The following AMMECR1 variants were observed in gnomAD, a reference collection of about 807,000 sequenced individuals.
AMMECR1 encodes the protein nuclear protein AMMECR1.
A neutral mutation model predicts 22.5 loss-of-function variants in AMMECR1; 3 were observed. That is an observed-to-expected ratio of 0.13 (90% CI 0.06 to 0.35). The LOEUF is 0.35. Ranked by LOEUF, AMMECR1 falls within the 10% of genes least tolerant of loss-of-function variation. The pLI, the probability that AMMECR1 is intolerant of heterozygous loss-of-function variation, is 1.00. For synonymous variants in AMMECR1, 130 were observed against 116.7 expected, an observed-to-expected ratio of 1.11 and a Z score of -0.74; for missense variants, 235 against 278.7, an observed-to-expected ratio of 0.84 and a Z score of 1.12.
chrX:110,344,114 C>G (rs2148239933), intron 2 of AMMECR1, among the ~76,000 whole-genome samples: 1 of 111,892 alleles, frequency 8.9e-6, no homozygotes, highest in African/African-American at 3.2e-5. Context: ...CTACAGTAAC[C>G]AAAACAGCAT....
At chrX:110,405,579 T>C (rs1220794511) in intron 2 of AMMECR1, among the ~76,000 whole-genome samples, 1 of 112,007 alleles carries the variant, frequency 8.9e-6, no homozygotes, top group East Asian at 2.8e-4. Flanking sequence ...ATGCTAGCAA[T>C]AGTCATTCTC....
chrX:110,274,988 C>G (rs1203375224), intron 1 of AMMECR1, among the ~76,000 whole-genome samples: 1 of 111,824 alleles, frequency 8.9e-6, no homozygotes, highest in African/African-American at 3.2e-5. Flanking sequence ...CGTATACGTC[C>G]ATTTAACTCC....
chrX:110,425,837 T>C (rs1428341715), intron 2 of AMMECR1, among the ~76,000 whole-genome samples: 4 of 112,889 alleles, frequency 3.5e-5, no homozygotes, highest in African/African-American at 6.4e-5. Flanking sequence ...CTATATTTAA[T>C]GAATGTCTGT....
chrX:110,226,332 G>A (rs577761619), intron 2 of AMMECR1, among the ~76,000 whole-genome samples: 116 of 112,198 alleles, frequency 1.0e-3, no homozygotes, highest in Middle Eastern at 4.6e-3. Context: ...CTGGTCGGGC[G>A]CAGTGGCTCA....
chrX:110,384,292 C>A (rs1443211997), intron 2 of AMMECR1, among the ~76,000 whole-genome samples: 7 of 110,348 alleles, frequency 6.3e-5, no homozygotes, highest in African/African-American at 2.3e-4. Context: ...CTGAAAAAAG[C>A]ACTGAAATCT....
chrX:110,402,284 T>G (rs1434843080), intron 2 of AMMECR1, among the ~76,000 whole-genome samples: 5 of 113,077 alleles, frequency 4.4e-5, no homozygotes, highest in Non-Finnish European at 9.4e-5. Context: ...AAATATTTGT[T>G]TTTTGCCTAT....
chrX:110,387,994 T>A (rs765456810), intron 2 of AMMECR1, among the ~76,000 whole-genome samples: 1 of 109,080 alleles, frequency 9.2e-6, no homozygotes, highest in South Asian at 4.1e-4. Flanking sequence ...CCCAAGTAGC[T>A]GGGACAACAG....
intron 2 of AMMECR1, among the ~76,000 whole-genome samples, chrX:110,354,054 G>A (rs958233139): frequency 1.8e-5 from 2 of 112,067 alleles, no homozygotes; most frequent in Admixed American, 9.5e-5. Context: ...CCATGCTCAT[G>A]GATTGGAATA....
rs756112724 is a variant in AMMECR1 at position 110,317,841 on chromosome X, G to T, written c.231C>A (p.Gly77=). 3 of 1,168,424 alleles carry T rather than the reference G, an allele frequency of 2.6e-6. No individual in the cohort carries two copies. The highest frequency in any genetic ancestry group is 3.2e-5 in the East Asian group (1 of 31,413). Residue 77 remains glycine, a synonymous_variant, in exon 1 of 6, where the codon GGC becomes GGA. Coordinates refer to ENST00000262844, the MANE Select transcript of AMMECR1 (RefSeq NM_015365.3). ...GCTLSPPQGC[G]GGGGGIALSP... The stretch of plus-strand genomic sequence containing the variant: ...ACAGGGCGATCCCCCCGCCGCCGCC[G>T]CCGCAGCCCTGGGGGGGAGAGAGGG...
At chrX:110,225,077 T>C (rs777730610) in intron 2 of AMMECR1, 2 of 369,398 alleles carry the variant, frequency 5.4e-6, no homozygotes, top group Non-Finnish European at 1.0e-5. Flanking sequence ...ACAGTTTTGA[T>C]TGAGTATTCT....
At chrX:110,336,421 C>T (rs369870307) in intron 2 of AMMECR1, among the ~76,000 whole-genome samples, 6 of 110,838 alleles carry the variant, frequency 5.4e-5, no homozygotes, top group East Asian at 5.6e-4. Context: ...TGGTGGCTCA[C>T]GCCTGTAATC....
At chrX:110,412,874 G>T (rs1169442950) in intron 2 of AMMECR1, among the ~76,000 whole-genome samples, 1 of 112,235 alleles carries the variant, frequency 8.9e-6, no homozygotes, top group Non-Finnish European at 1.9e-5. Context: ...TGTCAACACT[G>T]GGGAGTAGAA....
chrX:110,432,438 T>C (rs1050362560), intron 1 of AMMECR1, among the ~76,000 whole-genome samples: 10 of 111,999 alleles, frequency 8.9e-5, no homozygotes, highest in South Asian at 3.8e-4. Flanking sequence ...GGAGGGTTGA[T>C]AGCTTCGAGA....
intron 2 of AMMECR1, among the ~76,000 whole-genome samples, chrX:110,227,728 T>C (rs1456875102): frequency 1.8e-5 from 2 of 111,632 alleles, no homozygotes; most frequent in Non-Finnish European, 3.8e-5. Context: ...TGCTACCTAG[T>C]GCTGGCGAGG....
intron 2 of AMMECR1, among the ~76,000 whole-genome samples, chrX:110,328,769 A>G (rs1218966089): frequency 9.0e-6 from 1 of 111,114 alleles, no homozygotes; most frequent in Non-Finnish European, 1.9e-5. Context: ...TTCCAGCTTC[A>G]TCCATGTCCC....
intron 2 of AMMECR1, among the ~76,000 whole-genome samples, chrX:110,359,653 T>C (rs1413897170): frequency 8.9e-6 from 1 of 111,791 alleles, no homozygotes; most frequent in Non-Finnish European, 1.9e-5. Flanking sequence ...ATTAATATTG[T>C]AAAAATATAC....
chrX:110,308,732 T>G (rs775200306), intron 1 of AMMECR1, among the ~76,000 whole-genome samples: 1 of 111,349 alleles, frequency 9.0e-6, no homozygotes, highest in Non-Finnish European at 1.9e-5. Flanking sequence ...TTTTATTGGC[T>G]TGTTTTGTTT....
intron 3 of AMMECR1, among the ~76,000 whole-genome samples, chrX:110,208,504 G>T (rs2067432231): frequency 1.8e-5 from 2 of 111,540 alleles, no homozygotes; most frequent in African/African-American, 6.5e-5. Flanking sequence ...CTTACCAAAG[G>T]ACTAATTAGG....
At chrX:110,376,559 C>T (rs1360416805) in intron 2 of AMMECR1, among the ~76,000 whole-genome samples, 1 of 112,038 alleles carries the variant, frequency 8.9e-6, no homozygotes, top group Non-Finnish European at 1.9e-5. Context: ...GCCATGGTGC[C>T]ATGATCATCT....
Sources: allele counts gnomAD v4.1 joint callset (sites outside exome capture counted in the v4.1 genomes callset), GRCh38; gene constraint gnomAD v4.1.1; transcripts MANE v1.5; gene names NCBI Gene and HGNC (gene_info 2026-07-23, HGNC 2026-07-21).